RNF144A: variants seen among roughly 807,000 people sequenced by gnomAD.
RNF144A encodes the protein E3 ubiquitin-protein ligase RNF144A.
In RNF144A, 11 loss-of-function variants were observed where a neutral mutation model predicts 38.7. The ratio of observed to expected loss-of-function variants is 0.28; its 90% CI spans 0.18 to 0.47. RNF144A has a LOEUF of 0.47. Among genes scored for constraint, RNF144A ranks in the 20% least tolerant of loss-of-function variants. The probability of loss-of-function intolerance (pLI) is 0.99; values close to 1 mark genes in which losing one functional copy is unlikely to be tolerated. For missense variants in RNF144A, 316 were observed against 377.2 expected (o/e 0.84, Z 1.34); for synonymous variants, 149 against 143.9 (o/e 1.04, Z -0.25).
In RNF144A at chr2:6,972,483, C is replaced by T. The variant is rs532451292; in HGVS notation, c.-11-24433C>T. Among the ~76,000 whole-genome samples, 9 of 152,254 alleles carry T rather than the reference C, an allele frequency of 5.9e-5. No individual in the cohort carries two copies. In the South Asian group the frequency reaches 1.0e-3, roughly 18 times the overall value. ...GGATTGGGTGGAACGGAAATAGCCC[C>T]GGGGGGTTTGTTCCTTGAGCTAATT... On this transcript the variant is annotated intron_variant, in intron 2 of 8. Coordinates refer to ENST00000320892, the MANE Select transcript of RNF144A (RefSeq NM_014746.6).
At chr2:7,073,092 G>A (rs74724441), downstream of RNF144A, among the ~76,000 whole-genome samples, 328 of 152,210 alleles carry the variant, frequency 2.2e-3, no homozygotes, top group African/African-American at 7.1e-3. Flanking sequence ...TGGCCGTACC[G>A]GACAACTTTG....
Position 7,041,334 on chromosome 2 carries a change from C to T in RNF144A, c.*1574C>T, listed in dbSNP as rs1673029577. ...TGGTTGGAAATTTATTTCTTATTTC[C>T]TAACATTGAATTCGTTAGAAAAAAC... On this transcript the variant is annotated 3_prime_UTR_variant, in exon 9 of 9. Transcript: ENST00000320892. 1 of 985,784 alleles carries T rather than the reference C, an allele frequency of 1.0e-6. No homozygotes were observed. Among genetic ancestry groups the T allele is most frequent in the South Asian group, 4.7e-5 (1 of 21,284 alleles). The allele number at this position is 985,784 out of a possible 1,614,324, so 61.1% of individuals were successfully genotyped here.
chr2:6,983,405 C>T (rs547572501), intron 2 of RNF144A, among the ~76,000 whole-genome samples: 5 of 152,314 alleles, frequency 3.3e-5, no homozygotes, highest in African/African-American at 1.2e-4. Flanking sequence ...CTGACTTGCC[C>T]TACAGCCTTT....
At chr2:6,973,852 G>A (rs1038728705) in intron 2 of RNF144A, among the ~76,000 whole-genome samples, 20 of 152,276 alleles carry the variant, frequency 1.3e-4, no homozygotes, top group African/African-American at 4.3e-4. Context: ...TGGCTGCTTC[G>A]TGCTCCAGCA....
chr2:7,066,171 T>A (rs1041448054), intron 6 of RNF144A, among the ~76,000 whole-genome samples: 1 of 151,982 alleles, frequency 6.6e-6, no homozygotes, highest in Non-Finnish European at 1.5e-5. Flanking sequence ...CACTACAAGC[T>A]CCGCCTCCTG....
At chr2:6,990,467 ACATAT>A (rs1558410666) in intron 2 of RNF144A, among the ~76,000 whole-genome samples, 1 of 124,044 alleles carries the variant, frequency 8.1e-6, no homozygotes, top group African/African-American at 3.1e-5. Context: ...ATATAATATA[ACATAT>A]AATATATATA....
At chr2:7,024,279 A>G (rs538624459) in intron 6 of RNF144A, 90 bp from the exon 7 acceptor site, 776 of 1,157,164 alleles carry the variant, frequency 6.7e-4, no homozygotes, top group Non-Finnish European at 8.3e-4. Flanking sequence ...TCAGTCTGTG[A>G]AGTGGAGCCG....
intron 2 of RNF144A, among the ~76,000 whole-genome samples, chr2:6,984,466 G>A (rs904105145): frequency 5.3e-5 from 8 of 151,842 alleles, no homozygotes; most frequent in Middle Eastern, 3.2e-3. Flanking sequence ...CCACATCCGC[G>A]CTAATTTTTG....
At chr2:6,945,375 T>G (rs915231213) in intron 2 of RNF144A, among the ~76,000 whole-genome samples, 4 of 152,350 alleles carry the variant, frequency 2.6e-5, no homozygotes, top group South Asian at 2.1e-4. Flanking sequence ...TTTAGCTCAG[T>G]TACAGTTTTC....
chr2:7,010,131 C>T (rs112556005), intron 3 of RNF144A, among the ~76,000 whole-genome samples: 63 of 152,294 alleles, frequency 4.1e-4, no homozygotes, highest in African/African-American at 1.3e-3. Context: ...GAAACCCTTG[C>T]GGAGCGTGTA....
chr2:6,964,958 T>TA (rs1250647224), intron 2 of RNF144A, among the ~76,000 whole-genome samples: 3 of 151,882 alleles, frequency 2.0e-5, no homozygotes, highest in African/African-American at 7.3e-5. Context: ...CCCTAAAACT[T>TA]AAAGTATAAT....
rs1033833443 is a variant in RNF144A at position 6,958,193 on chromosome 2, C to G, written c.-12+17046C>G. Among the ~76,000 whole-genome samples the G allele has an allele frequency of 6.6e-6, 1 of 152,230 alleles. No individual in the cohort carries two copies. The highest frequency in any genetic ancestry group is 2.1e-4 in the South Asian group (1 of 4,832). Reference sequence around the variant, plus strand: ...TTCCTGGAAGGTGGAACTTGATCACCACTCTGCCTGGCCTCAGCAGTCCCT... The same window carrying G: ...TTCCTGGAAGGTGGAACTTGATCACGACTCTGCCTGGCCTCAGCAGTCCCT... On this transcript the variant is annotated intron_variant, in intron 2 of 8. Transcript: ENST00000320892. This position sits in a 1 kb window ranked among gnomAD's most constrained non-coding sequence, Gnocchi z 4.5.
intron 8 of RNF144A, among the ~76,000 whole-genome samples, chr2:7,038,159 A>G (rs1301320719): frequency 6.6e-6 from 1 of 152,256 alleles, no homozygotes; most frequent in African/African-American, 2.4e-5. Context: ...ATTGGGCTTT[A>G]GACTCCAGGA....
chr2:6,956,885 TCA>T (rs1667038969), intron 2 of RNF144A, among the ~76,000 whole-genome samples: 1 of 152,250 alleles, frequency 6.6e-6, no homozygotes, highest in Non-Finnish European at 1.5e-5. Flanking sequence ...TTTCCTTGTC[TCA>T]GACTGTAGAA....
At chr2:6,950,350 C>T (rs1482730717) in intron 2 of RNF144A, among the ~76,000 whole-genome samples, 4 of 152,140 alleles carry the variant, frequency 2.6e-5, no homozygotes, top group African/African-American at 7.2e-5. Context: ...GATTTAACCG[C>T]GTTGTTTTGT....
intron 2 of RNF144A, among the ~76,000 whole-genome samples, chr2:6,942,442 T>C (rs995889181): frequency 1.3e-5 from 2 of 152,034 alleles, no homozygotes; most frequent in Non-Finnish European, 2.9e-5. Context: ...GAATTTTACT[T>C]TAGTAATCCA....
chr2:7,032,740 C>A (rs1208757034), intron 8 of RNF144A, among the ~76,000 whole-genome samples: 1 of 152,224 alleles, frequency 6.6e-6, no homozygotes, highest in Non-Finnish European at 1.5e-5. Flanking sequence ...CTCATGGTAA[C>A]TTGATTGCAT....
chr2:6,995,458 G>A (rs1669666782), intron 2 of RNF144A, among the ~76,000 whole-genome samples: 2 of 152,274 alleles, frequency 1.3e-5, no homozygotes, highest in South Asian at 4.1e-4. Context: ...ACACGATCAC[G>A]ACGTGAGGTC....
At chr2:7,065,812 T>C (rs549407598) in intron 6 of RNF144A, among the ~76,000 whole-genome samples, 37 of 152,374 alleles carry the variant, frequency 2.4e-4, no homozygotes, top group African/African-American at 8.7e-4. Flanking sequence ...TCTTCAAAGA[T>C]ATTCATGGAA....
Sources: gnomAD v4.1 joint callset for allele counts (sites outside exome capture counted in the v4.1 genomes callset) on GRCh38, gnomAD v4.1.1 for gene constraint, Gnocchi (gnomAD v3.1) non-coding constraint, MANE v1.5 for transcripts, NCBI Gene and HGNC (gene_info 2026-07-23, HGNC 2026-07-21) for gene names.